CWF19L2: variants seen among roughly 807,000 people sequenced by gnomAD.
CWF19L2 encodes CWF19 like cell cycle control factor 2, also known as CWF19-like protein 2.
Under a neutral mutation model 111.7 loss-of-function variants are expected in CWF19L2, and 98 were observed. That is an observed-to-expected ratio of 0.88 (90% CI 0.75 to 1.04). The LOEUF (loss-of-function observed/expected upper bound fraction) is 1.04, where lower values mean the gene tolerates loss of function less well. CWF19L2 is among the 50% of genes least tolerant of loss of function. The pLI is 0.00. For synonymous variants in CWF19L2, 351 were observed against 342.9 expected (o/e 1.02, Z -0.26); for missense variants, 1,101 against 1,051.4 (o/e 1.05, Z -0.65).
intron 16 of CWF19L2, among the ~76,000 whole-genome samples, chr11:107,330,987 A>C (rs934029044): frequency 6.6e-6 from 1 of 152,182 alleles, no homozygotes; most frequent in African/African-American, 2.4e-5. Context: ...GGTCACCTTG[A>C]AATATTATAA....
chr11:107,444,718 T>C (rs1861677557), intron 3 of CWF19L2, among the ~76,000 whole-genome samples: 2 of 152,224 alleles, frequency 1.3e-5, no homozygotes. Context: ...CCTCTTCTTC[T>C]ACAAAATCTA....
At chr11:107,437,081 A>G (rs1446295156) in intron 6 of CWF19L2, among the ~76,000 whole-genome samples, 3 of 152,196 alleles carry the variant, frequency 2.0e-5, no homozygotes, top group African/African-American at 7.2e-5. Context: ...TATTGAAAAT[A>G]TGTCCCTTCA....
At chr11:107,385,473 T>G (rs1009439572) in intron 12 of CWF19L2, among the ~76,000 whole-genome samples, 3 of 152,200 alleles carry the variant, frequency 2.0e-5, no homozygotes, top group African/African-American at 7.2e-5. Flanking sequence ...ATAATTTATC[T>G]AAACGTCAAT....
At chr11:107,330,045 G>A (rs1316236798) in intron 16 of CWF19L2, 26 bp from the exon 17 acceptor site, 1 of 1,412,986 alleles carries the variant, frequency 7.1e-7, no homozygotes, top group Non-Finnish European at 9.6e-7. Flanking sequence ...AATCACAAAT[G>A]GAATACAGTA....
At position 107,429,176 on chromosome 11, in the gene CWF19L2, G is replaced by A. The variant is rs140038037; in HGVS notation, c.1056C>T (p.Asn352=). 3 of 1,613,590 alleles carry A rather than the reference G, an allele frequency of 1.9e-6. No individual in the cohort carries two copies. Among genetic ancestry groups the A allele is most frequent in the Non-Finnish European group, 2.5e-6 (3 of 1,179,802 alleles). ...GSLETCRRES[N]PRQNQEFSFG... is the part of the protein sequence containing the mutation. The stretch of plus-strand genomic sequence containing the variant: ...AAGAAAACTCTTGATTTTGCCTTGG[G>A]TTAGATTCTCTTCTACACGTTTCTA... The change falls in exon 8 of 18, where the codon AAC becomes AAT. Residue 352 remains asparagine, a synonymous_variant. Coordinates refer to ENST00000282251, the MANE Select transcript of CWF19L2 (RefSeq NM_152434.3).
chr11:107,385,189 G>A (rs898882108), intron 12 of CWF19L2, among the ~76,000 whole-genome samples: 1 of 151,868 alleles, frequency 6.6e-6, no homozygotes, highest in Admixed American at 6.6e-5. Context: ...TAATTATCAG[G>A]CAGGATGAAC....
At chr11:107,384,366 A>G (rs1266382227) in intron 12 of CWF19L2, among the ~76,000 whole-genome samples, 1 of 152,204 alleles carries the variant, frequency 6.6e-6, no homozygotes, top group Admixed American at 6.5e-5. Context: ...TATGATTCAT[A>G]CATACCTAAT....
chr11:107,420,581 C>G (rs986889545), intron 8 of CWF19L2, among the ~76,000 whole-genome samples: 1 of 152,052 alleles, frequency 6.6e-6, no homozygotes, highest in Non-Finnish European at 1.5e-5. Flanking sequence ...AGTCCCCCCC[C>G]TTATCTGCAG....
intron 10 of CWF19L2, among the ~76,000 whole-genome samples, chr11:107,406,639 T>A (rs990647360): frequency 1.3e-5 from 2 of 151,760 alleles, no homozygotes; most frequent in Admixed American, 6.6e-5. Context: ...AAATTCTCAA[T>A]TCTGTCCATA....
intron 14 of CWF19L2, among the ~76,000 whole-genome samples, chr11:107,342,035 A>G (rs951021967): frequency 6.6e-6 from 1 of 150,932 alleles, no homozygotes. Context: ...TTTCTCTATG[A>G]TTTTTCTGTT....
chr11:107,333,069 G>A (rs948925246), intron 16 of CWF19L2, among the ~76,000 whole-genome samples: 10 of 143,614 alleles, frequency 7.0e-5, no homozygotes, highest in East Asian at 4.1e-4. Context: ...GTCACTGGGC[G>A]ACAGAGCTAG....
intron 6 of CWF19L2, among the ~76,000 whole-genome samples, chr11:107,436,322 T>C (rs1388031423): frequency 6.6e-6 from 1 of 152,146 alleles, no homozygotes; most frequent in Non-Finnish European, 1.5e-5. Flanking sequence ...AAATCTGTTA[T>C]TTATAAGTAA....
chr11:107,370,854 T>A (rs1425885451), intron 12 of CWF19L2, among the ~76,000 whole-genome samples: 2 of 137,978 alleles, frequency 1.4e-5, no homozygotes, highest in South Asian at 4.9e-4. Context: ...ATTCCTGTCA[T>A]CTGTGTTTTG....
At chr11:107,419,900 G>A (rs1039797860) in intron 8 of CWF19L2, among the ~76,000 whole-genome samples, 15 of 152,066 alleles carry the variant, frequency 9.9e-5, no homozygotes, top group African/African-American at 3.6e-4. Context: ...AACACTAACA[G>A]AAAGGAAAGA....
At position 107,371,422 on chromosome 11, in the gene CWF19L2, TC is replaced by T. The variant is rs1411357537; in HGVS notation, c.1873-17687del. On this transcript the variant is annotated intron_variant, in intron 12 of 17. Transcript: ENST00000282251. ...TAAGGATAGGAATTAGAAGCAGGAC[TC>T]AAGACTATTCTCCCATATGACATTG... Among the ~76,000 whole-genome samples the T allele has an allele frequency of 2.9e-5, 4 of 137,856 alleles. 1 individual carries two copies. The highest frequency in any genetic ancestry group is 1.2e-4 in the African/African-American group (4 of 34,606). The allele number at this position is 137,856 out of a possible 152,430, so 90.4% of individuals were successfully genotyped here. A position where few individuals can be genotyped will look rare whatever the true frequency, so the allele number is the denominator to read the frequency against.
intron 8 of CWF19L2, 77 bp from the exon 9 acceptor site, chr11:107,418,364 T>G: frequency 1.1e-6 from 1 of 907,712 alleles, no homozygotes; most frequent in South Asian, 1.3e-5. Flanking sequence ...TCAAATGTTA[T>G]TTTAACTGAC....
At chr11:107,456,816 T>A (rs1199396879) in intron 1 of CWF19L2, among the ~76,000 whole-genome samples, 1 of 152,174 alleles carries the variant, frequency 6.6e-6, no homozygotes, top group Non-Finnish European at 1.5e-5. Flanking sequence ...GGGCTTATGA[T>A]GGACTCCAAA....
At chr11:107,418,061 T>G in intron 9 of CWF19L2, 133 bp downstream of exon 9, 2 of 661,572 alleles carry the variant, frequency 3.0e-6, no homozygotes, top group Non-Finnish European at 5.5e-6. Flanking sequence ...CCTGAGAATT[T>G]CTTTAAGGAA....
chr11:107,347,903 G>A (rs1402132951), intron 14 of CWF19L2, among the ~76,000 whole-genome samples: 1 of 152,124 alleles, frequency 6.6e-6, no homozygotes, highest in East Asian at 1.9e-4. Flanking sequence ...AATTAAATCA[G>A]TTTTATATGT....
Sources: gnomAD v4.1 joint callset for allele counts (sites outside exome capture counted in the v4.1 genomes callset) on GRCh38, gnomAD v4.1.1 for gene constraint, MANE v1.5 for transcripts, NCBI Gene and HGNC (gene_info 2026-07-23, HGNC 2026-07-21) for gene names.